The following GSK3B variants were observed in gnomAD, a reference collection of about 807,000 sequenced individuals.
GSK3B encodes the protein glycogen synthase kinase 3 beta, also known as glycogen synthase kinase-3 beta.
Under a neutral mutation model 56.4 loss-of-function variants are expected in GSK3B, and 15 were observed. The observed-to-expected ratio is 0.27, with a 90% CI of 0.18 to 0.41. The LOEUF is 0.41. Ranked by LOEUF, GSK3B falls within the 10% of genes least tolerant of loss-of-function variation. The pLI, the probability that GSK3B is intolerant of heterozygous loss-of-function variation, is 1.00. For synonymous variants in GSK3B, 181 were observed against 188.9 expected, an observed-to-expected ratio of 0.96 and a Z score of 0.34; for missense variants, 300 against 513.4, an observed-to-expected ratio of 0.58 and a Z score of 4.02.
intron 1 of GSK3B, among the ~76,000 whole-genome samples, chr3:120,024,262 G>A (rs893811276): frequency 3.3e-5 from 5 of 152,120 alleles, no homozygotes; most frequent in Non-Finnish European, 1.5e-5. Flanking sequence ...CTTGAGCCCA[G>A]GAGGTCAAGG....
At chr3:120,021,859 C>T (rs1390328304) in intron 1 of GSK3B, among the ~76,000 whole-genome samples, 1 of 152,156 alleles carries the variant, frequency 6.6e-6, no homozygotes, top group Non-Finnish European at 1.5e-5. Context: ...AAAGCAGCAG[C>T]AGGGTTTGAG....
chr3:120,044,475 C>G (rs1364132660), intron 1 of GSK3B, among the ~76,000 whole-genome samples: 1 of 150,738 alleles, frequency 6.6e-6, no homozygotes, highest in Non-Finnish European at 1.5e-5. Flanking sequence ...GGCATTTCAT[C>G]AAGCAGAGAA....
rs548888073 is a variant in GSK3B, at chr3:119,822,349, G to A, written c.*4439C>T. The A allele has an allele frequency of 2.1e-4, 43 of 200,868 alleles. No homozygotes were observed. The highest frequency in any genetic ancestry group is 3.8e-4 in the Non-Finnish European group (37 of 98,160). The allele number at this position is 200,868 out of a possible 1,614,324, so 12.4% of individuals were successfully genotyped here. A position where few individuals can be genotyped will look rare whatever the true frequency, so the allele number is the denominator to read the frequency against. ...TGTGTACAGGCCCAAGTGATCCATCGGCAACACATTTATAAATGCAAATTT... is the reference window on the plus strand; with the variant it reads ...TGTGTACAGGCCCAAGTGATCCATCAGCAACACATTTATAAATGCAAATTT... On this transcript the variant is annotated 3_prime_UTR_variant, in exon 11 of 11. Coordinates refer to ENST00000264235, the MANE Select transcript of GSK3B (RefSeq NM_001146156.2).
chr3:119,998,079 T>C (rs888274736), intron 2 of GSK3B, among the ~76,000 whole-genome samples: 5 of 152,156 alleles, frequency 3.3e-5, no homozygotes, highest in Non-Finnish European at 2.9e-5. Flanking sequence ...GCAAAAGATA[T>C]CACAAGCAAA....
chr3:119,900,864 T>C (rs1461180360), intron 7 of GSK3B, among the ~76,000 whole-genome samples: 1 of 152,270 alleles, frequency 6.6e-6, no homozygotes, highest in Admixed American at 6.5e-5. Context: ...ATATAGTATA[T>C]GAAAATATTT....
chr3:119,908,143 A>G (rs889185427), intron 6 of GSK3B, among the ~76,000 whole-genome samples: 4 of 152,206 alleles, frequency 2.6e-5, no homozygotes, highest in Admixed American at 6.5e-5. Flanking sequence ...AGAGGCAAGT[A>G]TCCTAAGTTT....
intron 3 of GSK3B, among the ~76,000 whole-genome samples, chr3:119,924,574 T>C (rs1007166477): frequency 6.6e-6 from 1 of 152,208 alleles, no homozygotes; most frequent in Admixed American, 6.5e-5. Context: ...CATAAGGTCA[T>C]GTAAGAGTAG....
At chr3:119,857,281 T>G (rs150232754) in intron 9 of GSK3B, among the ~76,000 whole-genome samples, 59 of 152,338 alleles carry the variant, frequency 3.9e-4, no homozygotes, top group African/African-American at 1.0e-3. Flanking sequence ...AAGATTTCTC[T>G]GTAGCATTTA....
intron 1 of GSK3B, among the ~76,000 whole-genome samples, chr3:120,080,277 C>T (rs1028094692): frequency 6.6e-6 from 1 of 150,656 alleles, no homozygotes; most frequent in Non-Finnish European, 1.5e-5. Flanking sequence ...ATAAACAGAG[C>T]AAGATTCTGT....
At chr3:120,001,995 G>T in intron 2 of GSK3B, 51 bp downstream of exon 2, 1 of 1,114,276 alleles carries the variant, frequency 9.0e-7, no homozygotes, top group South Asian at 2.2e-5. Context: ...AATCATTTAT[G>T]GTATATGTAT....
chr3:119,954,320 G>GAAAAGA (rs2057191099), intron 2 of GSK3B, among the ~76,000 whole-genome samples: 1 of 149,736 alleles, frequency 6.7e-6, no homozygotes, highest in African/African-American at 2.5e-5. Flanking sequence ...AAACAGAACA[G>GAAAAGA]AACAGAACAG....
At chr3:119,877,207 A>G (rs2056324301) in intron 7 of GSK3B, among the ~76,000 whole-genome samples, 2 of 152,190 alleles carry the variant, frequency 1.3e-5, no homozygotes, top group Admixed American at 1.3e-4. Context: ...CTATTGCAAT[A>G]ATCACATCTG....
chr3:119,986,496 AC>A (rs1257422798), intron 2 of GSK3B, among the ~76,000 whole-genome samples: 16 of 151,970 alleles, frequency 1.1e-4, no homozygotes, highest in Non-Finnish European at 1.6e-4. Context: ...AAAAAAAAAA[AC>A]AACCCCCATC....
At chr3:120,080,182 T>TG (rs1342850900) in intron 1 of GSK3B, among the ~76,000 whole-genome samples, 1 of 151,914 alleles carries the variant, frequency 6.6e-6, no homozygotes, top group Admixed American at 6.6e-5. Context: ...ACCCAACTAA[T>TG]GTGGATGCTG....
chr3:119,875,559 C>T (rs988592154), intron 8 of GSK3B, among the ~76,000 whole-genome samples: 1 of 150,244 alleles, frequency 6.7e-6, no homozygotes, highest in African/African-American at 2.5e-5. Flanking sequence ...AAGTTTAATC[C>T]CGGCTTTGTC....
At chr3:120,072,080 CTG>C (rs2058330932) in intron 1 of GSK3B, among the ~76,000 whole-genome samples, 1 of 152,148 alleles carries the variant, frequency 6.6e-6, no homozygotes, top group African/African-American at 2.4e-5. Flanking sequence ...TGGCCCTCAC[CTG>C]CAGACAATAG....
chr3:119,929,751 A>T (rs557785112), intron 3 of GSK3B, among the ~76,000 whole-genome samples: 3 of 151,914 alleles, frequency 2.0e-5, no homozygotes, highest in Non-Finnish European at 4.4e-5. Context: ...AAAAATACAA[A>T]ATTAGCCAGG....
intron 2 of GSK3B, among the ~76,000 whole-genome samples, chr3:119,963,637 AAAAAAAAGAAAG>A (rs1368653787): frequency 2.0e-5 from 3 of 150,572 alleles, no homozygotes; most frequent in Non-Finnish European, 4.4e-5. Context: ...AAAAAAAAAA[AAAAAAAAGAAAG>A]AAAAAAAGAA....
rs576857009 is a variant in GSK3B, at chr3:119,995,471, A to AT, written c.282+6574dup. On this transcript the variant is annotated intron_variant, in intron 2 of 10. Coordinates refer to ENST00000264235, the MANE Select transcript of GSK3B (RefSeq NM_001146156.2). ...CAATGTTAAGCCTGAAACAATAATT[A>AT]TTTTTTTTTTTTGAGACGGAGTCTC... Among the ~76,000 whole-genome samples the AT allele has an allele frequency of 1.1e-3, 163 of 147,810 alleles. 1 individual carries two copies. Among genetic ancestry groups the AT allele is most frequent in the East Asian group, 5.7e-3 (29 of 5,078 alleles).
Sources: gnomAD v4.1 joint callset for allele counts (sites outside exome capture counted in the v4.1 genomes callset) on GRCh38, gnomAD v4.1.1 for gene constraint, MANE v1.5 for transcripts, NCBI Gene and HGNC (gene_info 2026-07-23, HGNC 2026-07-21) for gene names.